The following RARB variants were observed in gnomAD, a reference collection of about 807,000 sequenced individuals.
RARB encodes the protein retinoic acid receptor beta.
A neutral mutation model predicts 51.9 loss-of-function variants in RARB; 17 were observed. The observed-to-expected ratio is 0.33, with a 90% CI of 0.22 to 0.49. The LOEUF is 0.49. Ranked by LOEUF, RARB falls within the 20% of genes least tolerant of loss-of-function variation. The probability of loss-of-function intolerance (pLI) is 0.99; values close to 1 mark genes in which losing one functional copy is unlikely to be tolerated. For missense variants in RARB, 369 were observed against 550.8 expected (o/e 0.67, Z 3.30); for synonymous variants, 215 against 195.4 (o/e 1.10, Z -0.84).
At chr3:25,110,638 A>T (rs1218983104) in intron 3 of RARB, among the ~76,000 whole-genome samples, 1 of 152,218 alleles carries the variant, frequency 6.6e-6, no homozygotes, top group African/African-American at 2.4e-5. Flanking sequence ...CTAGCCTCCG[A>T]AGGCTGTAAT....
At chr3:25,338,144 C>T (rs1450973995) in intron 5 of RARB, among the ~76,000 whole-genome samples, 2 of 146,710 alleles carry the variant, frequency 1.4e-5, no homozygotes, top group Admixed American at 6.8e-5. Flanking sequence ...CAGAATTAAG[C>T]AAAGTACCAA....
At chr3:24,927,566 T>TG (rs898467982) in intron 2 of RARB, among the ~76,000 whole-genome samples, 1 of 151,992 alleles carries the variant, frequency 6.6e-6, no homozygotes, top group African/African-American at 2.4e-5. Context: ...AGATAAGAGC[T>TG]GAAGTGTATG....
intron 2 of RARB, among the ~76,000 whole-genome samples, chr3:24,974,224 T>C (rs1293841700): frequency 6.6e-6 from 1 of 152,102 alleles, no homozygotes; most frequent in Non-Finnish European, 1.5e-5. Flanking sequence ...TTTATGTTCT[T>C]GGTTCTGTTA....
At chr3:25,187,227 T>C (rs1406781251) in intron 5 of RARB, among the ~76,000 whole-genome samples, 3 of 152,064 alleles carry the variant, frequency 2.0e-5, no homozygotes, top group African/African-American at 7.2e-5. Flanking sequence ...TGCCATAATA[T>C]AGGACTAGCA....
At chr3:25,342,465 G>A (rs1410286876) in intron 5 of RARB, among the ~76,000 whole-genome samples, 3 of 152,140 alleles carry the variant, frequency 2.0e-5, no homozygotes, top group African/African-American at 4.8e-5. Context: ...TCTTACAGCC[G>A]TATGACACCA....
At chr3:24,881,015 C>T (rs11921445) in intron 2 of RARB, among the ~76,000 whole-genome samples, 28,312 of 151,986 alleles carry the variant, frequency 0.19, 3,481 homozygotes, top group African/African-American at 0.34. Flanking sequence ...AAGGGAGGAC[C>T]TTGTGGTAGG....
chr3:25,259,918 G>T, intron 5 of RARB: 1 of 985,264 alleles, frequency 1.0e-6, no homozygotes, highest in African/African-American at 1.7e-5. Context: ...TCTTTCTCAG[G>T]CTTTGTCTCT....
chr3:25,514,755 G>A (rs1480663591), intron 3 of RARB, among the ~76,000 whole-genome samples: 3 of 152,250 alleles, frequency 2.0e-5, no homozygotes, highest in African/African-American at 4.8e-5. Context: ...GTCATGATAT[G>A]GCCCTTCCAA....
chr3:25,290,959 G>A (rs1417155818), intron 5 of RARB, among the ~76,000 whole-genome samples: 1 of 152,176 alleles, frequency 6.6e-6, no homozygotes, highest in African/African-American at 2.4e-5. Flanking sequence ...CTCTGACCCT[G>A]AAGTTTTCTA....
At chr3:25,241,816 G>C (rs542359262) in intron 5 of RARB, among the ~76,000 whole-genome samples, 4 of 152,208 alleles carry the variant, frequency 2.6e-5, no homozygotes, top group South Asian at 2.1e-4. Context: ...TAATCCTTTG[G>C]GTATATACCC....
intron 4 of RARB, among the ~76,000 whole-genome samples, chr3:25,164,431 A>C (rs12638845): frequency 0.48 from 71,986 of 151,386 alleles, 17,824 homozygotes; most frequent in East Asian, 0.73. Context: ...ATTCTGTGGC[A>C]ACTCTGACAG....
intron 1 of RARB, among the ~76,000 whole-genome samples, chr3:25,439,260 T>C (rs1366878157): frequency 6.6e-6 from 1 of 152,190 alleles, no homozygotes; most frequent in Non-Finnish European, 1.5e-5. Context: ...AATTAATGTT[T>C]ATTTGCTAGG....
intron 2 of RARB, among the ~76,000 whole-genome samples, chr3:24,913,114 A>G (rs905284940): frequency 1.3e-4 from 20 of 150,620 alleles, no homozygotes; most frequent in East Asian, 1.2e-3. Context: ...CTGAGCAGCT[A>G]GGACTACAGG....
chr3:25,011,987 G>A (rs546868641), intron 2 of RARB, among the ~76,000 whole-genome samples: 2 of 152,170 alleles, frequency 1.3e-5, no homozygotes, highest in East Asian at 3.9e-4. Flanking sequence ...GGGCAGACAG[G>A]ACTGACATCA....
intron 2 of RARB, among the ~76,000 whole-genome samples, chr3:24,996,151 G>C (rs536084300): frequency 2.6e-5 from 4 of 152,122 alleles, no homozygotes; most frequent in African/African-American, 9.6e-5. Context: ...TTATTGGTCT[G>C]TTCAAGCTTC....
chr3:24,907,368 C>CG (rs1694889538), intron 2 of RARB, among the ~76,000 whole-genome samples: 1 of 152,150 alleles, frequency 6.6e-6, no homozygotes, highest in Non-Finnish European at 1.5e-5. Context: ...GGCCTAGGGC[C>CG]ACACTTAGTA....
intron 3 of RARB, among the ~76,000 whole-genome samples, chr3:25,082,740 T>A (rs532060393): frequency 6.6e-6 from 1 of 152,244 alleles, no homozygotes; most frequent in African/African-American, 2.4e-5. Flanking sequence ...CTCTTTATAC[T>A]GAATTTCCTT....
intron 2 of RARB, among the ~76,000 whole-genome samples, chr3:25,009,594 A>G (rs1291365386): frequency 2.0e-5 from 3 of 152,010 alleles, no homozygotes; most frequent in Non-Finnish European, 4.4e-5. Flanking sequence ...GGGAGTCCTC[A>G]TTCATGCTTT....
chr3:25,224,334 A>C (rs974512058), intron 5 of RARB, among the ~76,000 whole-genome samples: 1 of 152,218 alleles, frequency 6.6e-6, no homozygotes, highest in Non-Finnish European at 1.5e-5. Context: ...ACTTTAGAGC[A>C]TATCAAGGAA....
Sources: gnomAD v4.1 joint callset for allele counts (sites outside exome capture counted in the v4.1 genomes callset) on GRCh38, gnomAD v4.1.1 for gene constraint, MANE v1.5 for transcripts, NCBI Gene and HGNC (gene_info 2026-07-23, HGNC 2026-07-21) for gene names.